Variants in MBOAT2 observed in about 807,000 individuals in gnomAD.
MBOAT2 encodes membrane bound glycerophospholipid O-acyltransferase 2.
MBOAT2 carries 28 observed loss-of-function variants against 63.4 expected under a neutral mutation model. That is an observed-to-expected ratio of 0.44 (90% CI 0.33 to 0.61). The LOEUF (loss-of-function observed/expected upper bound fraction) is 0.61. MBOAT2 is among the 20% of genes least tolerant of loss of function. The probability of loss-of-function intolerance (pLI) is 0.03; values close to 1 mark genes in which losing one functional copy is unlikely to be tolerated. For missense variants in MBOAT2, 470 were observed against 605.8 expected, an observed-to-expected ratio of 0.78 and a Z score of 2.35; for synonymous variants, 211 against 215.6, an observed-to-expected ratio of 0.98 and a Z score of 0.19.
At chr2:8,951,630 G>A (rs1668843128) in intron 2 of MBOAT2, among the ~76,000 whole-genome samples, 1 of 152,160 alleles carries the variant, frequency 6.6e-6, no homozygotes, top group South Asian at 2.1e-4. Context: ...TCTGTTTGGT[G>A]TTTCAATTTC....
At chr2:8,957,844 T>C (rs115094884) in intron 2 of MBOAT2, among the ~76,000 whole-genome samples, 368 of 152,308 alleles carry the variant, frequency 2.4e-3, no homozygotes, top group African/African-American at 8.6e-3. Context: ...TTCTGATTTC[T>C]TCAGCATGCA....
intron 4 of MBOAT2, among the ~76,000 whole-genome samples, chr2:8,905,332 G>T (rs1165545972): frequency 6.6e-6 from 1 of 151,518 alleles, no homozygotes; most frequent in African/African-American, 2.4e-5. Context: ...TTTCTCCCTT[G>T]TGCCCATTAA....
At chr2:8,883,252 A>C (rs1310833735) in intron 5 of MBOAT2, among the ~76,000 whole-genome samples, 1 of 152,198 alleles carries the variant, frequency 6.6e-6, no homozygotes, top group Admixed American at 6.5e-5. Flanking sequence ...CAATTAAAAA[A>C]CAGTGAAATA....
rs1669248269 is a variant in MBOAT2, at chr2:8,956,650, T to C, written c.221+1847A>G. Among the ~76,000 whole-genome samples, 11 of 152,302 alleles carry C rather than the reference T, an allele frequency of 7.2e-5. No homozygotes were observed. In the South Asian group the frequency reaches 2.3e-3, roughly 32 times the overall value. ...AGGTTGAGACTGCAGTGAGCTGTGA[T>C]CATGTCACTGCACTCCAGCATGGGC... On this transcript the variant is annotated intron_variant, in intron 2 of 12. Coordinates refer to ENST00000305997, the MANE Select transcript of MBOAT2 (RefSeq NM_138799.4).
At chr2:8,868,627 A>G in intron 8 of MBOAT2, 78 bp from the exon 9 acceptor site, 1 of 1,158,116 alleles carries the variant, frequency 8.6e-7, no homozygotes, top group Non-Finnish European at 1.3e-6. Flanking sequence ...GGTATGTGTT[A>G]TTATATCTTT....
In MBOAT2 at chr2:9,003,371, G is replaced by A. The variant is rs1421680710; in HGVS notation, c.75+169C>T. Among the ~76,000 whole-genome samples the A allele has an allele frequency of 2.0e-5, 3 of 151,906 alleles. No homozygotes were observed. The highest frequency in any genetic ancestry group is 7.2e-5 in the African/African-American group (3 of 41,390). ...GCGCACCCAGGAGGGAGGGGGCTCT[G>A]GGACAATAACCGGCTTGTTGCCCCC... is the stretch of plus-strand genomic sequence containing the variant. On this transcript the variant is annotated intron_variant, in intron 1 of 12. Coordinates refer to ENST00000305997, the MANE Select transcript of MBOAT2 (RefSeq NM_138799.4). The surrounding 1 kb of genome is among the most constrained non-coding windows in gnomAD (Gnocchi z 5.4).
intron 1 of MBOAT2, among the ~76,000 whole-genome samples, chr2:8,973,904 G>C (rs993468498): frequency 1.3e-5 from 2 of 152,080 alleles, no homozygotes; most frequent in African/African-American, 4.8e-5. Flanking sequence ...TGAACAATTT[G>C]GAAATAGGGA....
chr2:8,994,228 T>G (rs1392921142), intron 1 of MBOAT2, among the ~76,000 whole-genome samples: 1 of 152,058 alleles, frequency 6.6e-6, no homozygotes, highest in East Asian at 1.9e-4. Context: ...GGAGGGAGAC[T>G]TGTAAAGCAA....
intron 2 of MBOAT2, among the ~76,000 whole-genome samples, chr2:8,945,234 A>G (rs1007689669): frequency 3.3e-5 from 5 of 152,184 alleles, no homozygotes; most frequent in Non-Finnish European, 5.9e-5. Context: ...AGCAGTAGAA[A>G]GTGAATCTGC....
intron 1 of MBOAT2, chr2:8,974,491 T>C: frequency 2.2e-6 from 1 of 453,122 alleles, no homozygotes; most frequent in Non-Finnish European, 4.4e-6. Context: ...CAGGCCTTGA[T>C]GAGGTTGCTG....
At chr2:8,975,370 T>A (rs1325538484) in intron 1 of MBOAT2, among the ~76,000 whole-genome samples, 2 of 152,136 alleles carry the variant, frequency 1.3e-5, no homozygotes, top group Non-Finnish European at 2.9e-5. Flanking sequence ...CCTGTGAGTC[T>A]GACTTTCCTT....
In MBOAT2 at chr2:8,859,030, C is replaced by A. The variant is rs1572899550; in HGVS notation, c.1338-126G>T. 3 of 708,518 alleles carry A rather than the reference C, an allele frequency of 4.2e-6. No homozygotes were observed. The East Asian group carries it at 8.2e-5, about 19-fold the overall frequency. 43.9% of individuals were successfully genotyped at this position (708,518 alleles called of 1,614,324 possible). On this transcript the variant is annotated intron_variant, in intron 12 of 12. Coordinates refer to ENST00000305997, the MANE Select transcript of MBOAT2 (RefSeq NM_138799.4). ...TTGTTTACTACATTACTACATTATT[C>A]TTTTATTTTTCCCCCTCAGGAGAAG...
chr2:8,878,346 T>C (rs1033214663), intron 6 of MBOAT2, among the ~76,000 whole-genome samples: 5 of 152,210 alleles, frequency 3.3e-5, no homozygotes, highest in African/African-American at 4.8e-5. Flanking sequence ...GAAAGCCTAC[T>C]GTCCACTGTT....
intron 10 of MBOAT2, among the ~76,000 whole-genome samples, chr2:8,863,509 C>T (rs930070005): frequency 2.0e-5 from 3 of 152,126 alleles, no homozygotes; most frequent in East Asian, 1.9e-4. Flanking sequence ...CCTGGCTTGC[C>T]TCTACCTTGC....
At chr2:8,867,795 G>A (rs1192701713) in intron 9 of MBOAT2, among the ~76,000 whole-genome samples, 1 of 152,166 alleles carries the variant, frequency 6.6e-6, no homozygotes, top group Non-Finnish European at 1.5e-5. Context: ...CCTCCTAACA[G>A]AGCTCTCTGC....
intron 4 of MBOAT2, among the ~76,000 whole-genome samples, chr2:8,906,739 G>A (rs1460730839): frequency 2.0e-5 from 3 of 152,242 alleles, no homozygotes; most frequent in African/African-American, 4.8e-5. Flanking sequence ...GGGGCTGTGA[G>A]AGCCCAATAA....
intron 1 of MBOAT2, among the ~76,000 whole-genome samples, chr2:8,964,123 A>G (rs1476820749): frequency 6.6e-6 from 1 of 152,176 alleles, no homozygotes; most frequent in East Asian, 1.9e-4. Context: ...TACACGTACA[A>G]TGAAGCCTCC....
Position 8,862,193 on chromosome 2 carries a change from C to T in MBOAT2, c.1185+397G>A. The stretch of plus-strand genomic sequence containing the variant: ...CAGTGTGGCTCATCCACTGTCTTGG[C>T]CTCGCACAGCCTAGTCTTCATCTGA... On this transcript the variant is annotated intron_variant, in intron 11 of 12. Transcript: ENST00000305997. This position sits in a 1 kb window ranked among gnomAD's most constrained non-coding sequence, Gnocchi z 4.3. The T allele has an allele frequency of 7.3e-6, 6 of 826,228 alleles. No homozygotes were observed. The highest frequency in any genetic ancestry group is 9.9e-6 in the Non-Finnish European group (6 of 604,700). The allele number at this position is 826,228 out of a possible 1,614,324, so 51.2% of individuals were successfully genotyped here.
chr2:8,980,850 G>A (rs1443230094), intron 1 of MBOAT2, among the ~76,000 whole-genome samples: 1 of 151,962 alleles, frequency 6.6e-6, no homozygotes, highest in Non-Finnish European at 1.5e-5. Flanking sequence ...TCCACTCCTA[G>A]GTATATACAC....
Sources: gnomAD v4.1 joint callset for allele counts (sites outside exome capture counted in the v4.1 genomes callset) on GRCh38, gnomAD v4.1.1 for gene constraint, Gnocchi (gnomAD v3.1) non-coding constraint, MANE v1.5 for transcripts, NCBI Gene and HGNC (gene_info 2026-07-23, HGNC 2026-07-21) for gene names.